The following MYO9A variants were observed in gnomAD, a reference collection of about 807,000 sequenced individuals.
MYO9A encodes myosin IXA.
Under a neutral mutation model 293.3 loss-of-function variants are expected in MYO9A, and 103 were observed. The observed-to-expected ratio is 0.35, with a 90% CI of 0.30 to 0.41. The LOEUF (loss-of-function observed/expected upper bound fraction) is 0.41, where lower values mean the gene tolerates loss of function less well. Among genes scored for constraint, MYO9A ranks in the 10% least tolerant of loss-of-function variants. The pLI, the probability that MYO9A is intolerant of heterozygous loss-of-function variation, is 1.00. For missense variants in MYO9A, 2,685 were observed against 3,033.0 expected (o/e 0.89, Z 2.69); for synonymous variants, 1,001 against 1,035.7 (o/e 0.97, Z 0.64).
rs533208857 is a variant in MYO9A, at chr15:71,823,888, T to TAACA, written c.*2688_*2691dup. 2 of 152,232 alleles carry TAACA rather than the reference T, an allele frequency of 1.3e-5. No individual in the cohort carries two copies. The highest frequency in any genetic ancestry group is 2.4e-5 in the African/African-American group (1 of 41,454). The allele number at this position is 152,232 out of a possible 1,614,324, so 9.4% of individuals were successfully genotyped here. A position where few individuals can be genotyped will look rare whatever the true frequency, so the allele number is the denominator to read the frequency against. On this transcript the variant is annotated 3_prime_UTR_variant, in exon 42 of 42. Coordinates refer to ENST00000356056, the MANE Select transcript of MYO9A (RefSeq NM_006901.4). ...CACAAATGTGATGCATATTAAGGGC[T>TAACA]AACAGTTTCATAAGTGATTGTAATG...
chr15:71,916,540 TA>T (rs2058017288), intron 18 of MYO9A, 48 bp from the exon 19 acceptor site: 1 of 1,562,052 alleles, frequency 6.4e-7, no homozygotes. Flanking sequence ...AATCTAACAA[TA>T]AGCCAAAATT....
chr15:71,964,220 T>C (rs2075814412), intron 13 of MYO9A, among the ~76,000 whole-genome samples: 1 of 152,218 alleles, frequency 6.6e-6, no homozygotes, highest in Non-Finnish European at 1.5e-5. Flanking sequence ...AGGAACTAAC[T>C]TTTGGCTTAG....
At chr15:72,079,181 C>T (rs577886467) in intron 1 of MYO9A, among the ~76,000 whole-genome samples, 1 of 152,112 alleles carries the variant, frequency 6.6e-6, no homozygotes, top group Non-Finnish European at 1.5e-5. Context: ...AACCAAGATG[C>T]TAAACAATAG....
intron 1 of MYO9A, among the ~76,000 whole-genome samples, chr15:72,079,733 T>C (rs889223375): frequency 2.0e-5 from 3 of 152,190 alleles, no homozygotes; most frequent in Admixed American, 6.5e-5. Context: ...TAAGAGGATC[T>C]ACATTAATGT....
At chr15:71,878,919 G>C (rs1359518854) in intron 30 of MYO9A, among the ~76,000 whole-genome samples, 2 of 151,536 alleles carry the variant, frequency 1.3e-5, no homozygotes, top group African/African-American at 4.9e-5. Context: ...ACCATACCTA[G>C]CTAATTTTTG....
At chr15:71,931,977 C>T (rs2058487454) in intron 18 of MYO9A, among the ~76,000 whole-genome samples, 1 of 150,664 alleles carries the variant, frequency 6.6e-6, no homozygotes, top group Non-Finnish European at 1.5e-5. Context: ...AAAAGTCTGG[C>T]CAGAAATTCT....
chr15:72,012,755 G>A (rs748649553), intron 6 of MYO9A, among the ~76,000 whole-genome samples: 2 of 152,100 alleles, frequency 1.3e-5, no homozygotes, highest in Non-Finnish European at 2.9e-5. Flanking sequence ...CAAGGCAGGG[G>A]GAATCTATGC....
chr15:71,962,789 A>G (rs1373769140), intron 13 of MYO9A, among the ~76,000 whole-genome samples: 1 of 152,230 alleles, frequency 6.6e-6, no homozygotes, highest in East Asian at 1.9e-4. Flanking sequence ...TCCTATTAAT[A>G]ACTACACTGT....
intron 11 of MYO9A, among the ~76,000 whole-genome samples, chr15:71,985,705 C>T (rs759193723): frequency 4.6e-5 from 7 of 152,104 alleles, no homozygotes; most frequent in African/African-American, 9.7e-5. Context: ...GGGCTCACTT[C>T]CCTAGATTTC....
At chr15:71,931,691 C>T (rs1450198596) in intron 18 of MYO9A, among the ~76,000 whole-genome samples, 1 of 151,898 alleles carries the variant, frequency 6.6e-6, no homozygotes, top group Admixed American at 6.6e-5. Flanking sequence ...CTCACTTTTT[C>T]TTTCTTCTCC....
At chr15:72,058,200 G>A (rs897276575) in intron 1 of MYO9A, among the ~76,000 whole-genome samples, 1 of 152,146 alleles carries the variant, frequency 6.6e-6, no homozygotes, top group Admixed American at 6.5e-5. Context: ...GGAGATAGCT[G>A]TAAAGTCAAC....
intron 33 of MYO9A, among the ~76,000 whole-genome samples, chr15:71,861,282 T>C (rs1243272748): frequency 6.6e-6 from 1 of 151,302 alleles, no homozygotes; most frequent in Non-Finnish European, 1.5e-5. Context: ...TTTGCTTCAT[T>C]CAATTTTAGC....
chr15:71,986,134 C>CA (rs892696092), intron 11 of MYO9A, among the ~76,000 whole-genome samples: 1 of 151,872 alleles, frequency 6.6e-6, no homozygotes, highest in Non-Finnish European at 1.5e-5. Flanking sequence ...GAAAAAAATG[C>CA]AAAAAATATA....
At chr15:71,943,280 T>G (rs1295065636) in intron 15 of MYO9A, among the ~76,000 whole-genome samples, 2 of 152,066 alleles carry the variant, frequency 1.3e-5, no homozygotes, top group African/African-American at 4.8e-5. Context: ...TCAATTTATT[T>G]AATTATACTG....
chr15:72,076,315 A>C (rs1224572452), intron 1 of MYO9A, among the ~76,000 whole-genome samples: 1 of 151,982 alleles, frequency 6.6e-6, no homozygotes, highest in Admixed American at 6.6e-5. Flanking sequence ...AAAAAAAAAA[A>C]AAAAAACCTT....
chr15:72,073,459 C>G (rs2079254657), intron 1 of MYO9A, among the ~76,000 whole-genome samples: 2 of 152,146 alleles, frequency 1.3e-5, no homozygotes, highest in Non-Finnish European at 2.9e-5. Flanking sequence ...ACATATAACT[C>G]TTATTCACAT....
At chr15:72,083,811 A>G (rs1385078862) in intron 1 of MYO9A, among the ~76,000 whole-genome samples, 1 of 152,172 alleles carries the variant, frequency 6.6e-6, no homozygotes, top group African/African-American at 2.4e-5. Context: ...TATGGTTTTG[A>G]GCAATTTTCT....
chr15:72,013,495 T>TA (rs1011954404), intron 6 of MYO9A, among the ~76,000 whole-genome samples: 1 of 152,188 alleles, frequency 6.6e-6, no homozygotes, highest in African/African-American at 2.4e-5. Context: ...CAACAACTGT[T>TA]ACAACCCCTT....
intron 33 of MYO9A, among the ~76,000 whole-genome samples, chr15:71,862,083 G>C (rs994597596): frequency 6.6e-6 from 1 of 152,162 alleles, no homozygotes; most frequent in Admixed American, 6.5e-5. Flanking sequence ...AGTGAGCTGA[G>C]ATCACACCAC....
Sources: gnomAD v4.1 joint callset for allele counts (sites outside exome capture counted in the v4.1 genomes callset) on GRCh38, gnomAD v4.1.1 for gene constraint, MANE v1.5 for transcripts, NCBI Gene and HGNC (gene_info 2026-07-23, HGNC 2026-07-21) for gene names.